BIRC6: variants seen among roughly 807,000 people sequenced by gnomAD.
BIRC6 encodes baculoviral IAP repeat containing 6.
Under a neutral mutation model 503.3 loss-of-function variants are expected in BIRC6, and 98 were observed. The observed-to-expected ratio is 0.19, with a 90% CI of 0.17 to 0.23. The LOEUF (loss-of-function observed/expected upper bound fraction) is 0.23, where lower values mean the gene tolerates loss of function less well. BIRC6 is among the 10% of genes least tolerant of loss of function. BIRC6 has a pLI of 1.00. For missense variants in BIRC6, 5,360 were observed against 5,806.0 expected (o/e 0.92, Z 2.50); for synonymous variants, 2,240 against 2,078.7 (o/e 1.08, Z -2.11).
At chr2:32,552,035 A>G (rs2058459590) in intron 65 of BIRC6, among the ~76,000 whole-genome samples, 1 of 152,152 alleles carries the variant, frequency 6.6e-6, no homozygotes, top group Non-Finnish European at 1.5e-5. Flanking sequence ...AAAATAATGC[A>G]CATTTTCTTT....
chr2:32,587,654 G>A lies in BIRC6; in HGVS notation c.13356-6261G>A, dbSNP rs553363346. ...CATGAGAATCGCTTGAACCTGGGAG[G>A]TGAAGGTTGCAGTGAGCCGAGATCA... On this transcript the variant is annotated intron_variant, in intron 66 of 73. Coordinates refer to ENST00000421745, the MANE Select transcript of BIRC6 (RefSeq NM_016252.4). 3.3e-5 allele frequency among the ~76,000 whole-genome samples: 5 copies of A among 152,274 alleles called. No individual in the cohort carries two copies. In the South Asian group the frequency reaches 1.0e-3, roughly 32 times the overall value.
At chr2:32,522,943 A>C (rs2055890646) in intron 57 of BIRC6, 1 of 152,202 alleles carries the variant, frequency 6.6e-6, no homozygotes, top group Non-Finnish European at 1.5e-5. Flanking sequence ...GTCTAGGGTG[A>C]CAACTAGGTT....
chr2:32,383,705 G>A (rs2038029375), intron 3 of BIRC6, among the ~76,000 whole-genome samples: 1 of 151,804 alleles, frequency 6.6e-6, no homozygotes, highest in South Asian at 2.1e-4. Flanking sequence ...CTAATTTTTT[G>A]TATTTTAGTA....
intron 73 of BIRC6, among the ~76,000 whole-genome samples, chr2:32,615,759 C>T (rs1403437510): frequency 2.0e-5 from 3 of 152,138 alleles, no homozygotes; most frequent in East Asian, 1.9e-4. Flanking sequence ...CTCAGCCTCC[C>T]AAGTACCTGG....
chr2:32,468,522 T>C lies in BIRC6; in HGVS notation c.5866T>C (p.Phe1956Leu). ...PLNSANNAQY[F>L]LRKPDKAVEE... Reference sequence around the variant, plus strand: ...AAACAGTGCTAACAATGCACAGTACTTTTTACGAAAACCAGATAAGGCAGT... The same window carrying C: ...AAACAGTGCTAACAATGCACAGTACCTTTTACGAAAACCAGATAAGGCAGT... Residue 1956 changes from phenylalanine (F) to leucine (L), a missense_variant, in exon 29 of 74, where the codon TTT (phenylalanine) becomes CTT (leucine). Coordinates refer to ENST00000421745, the MANE Select transcript of BIRC6 (RefSeq NM_016252.4). 1.2e-6 allele frequency: 2 copies of C among 1,614,012 alleles called. No individual in the cohort carries two copies. The highest frequency in any genetic ancestry group is 1.7e-6 in the Non-Finnish European group (2 of 1,179,882).
At position 32,465,139 on chromosome 2, in the gene BIRC6, CATT is replaced by C; in HGVS notation, c.5337_5339del (p.Ile1780del). 6.3e-7 allele frequency: 1 copy of C among 1,581,432 alleles called. No individual in the cohort carries two copies. The highest frequency in any genetic ancestry group is 8.6e-7 in the Non-Finnish European group (1 of 1,158,760). On this transcript the variant is annotated inframe_deletion, in exon 26 of 74. Transcript: ENST00000421745. The stretch of plus-strand genomic sequence containing the variant: ...TTCTTCAACCTCCGCCTCACCAGTC[CATT>C]ATTATAGAGCGAATGCATTCAGGTA...
intron 59 of BIRC6, among the ~76,000 whole-genome samples, chr2:32,526,037 G>T (rs2056238325): frequency 1.3e-5 from 2 of 152,104 alleles, no homozygotes; most frequent in Non-Finnish European, 2.9e-5. Context: ...CACATTTATT[G>T]AGCACCATCC....
intron 65 of BIRC6, chr2:32,565,552 T>TA (rs1298184595): frequency 6.6e-6 from 1 of 152,204 alleles, no homozygotes; most frequent in Non-Finnish European, 1.5e-5. Context: ...CTAATAGTAC[T>TA]AATAGTTACA....
chr2:32,607,694 T>C, intron 72 of BIRC6, 51 bp downstream of exon 72: 2 of 1,483,614 alleles, frequency 1.3e-6, no homozygotes, highest in Admixed American at 2.0e-5. Context: ...TTTTACAATA[T>C]AGGCTGGGCA....
intron 66 of BIRC6, among the ~76,000 whole-genome samples, chr2:32,587,344 G>A (rs114068218): frequency 0.031 from 4,718 of 152,132 alleles, 176 homozygotes; most frequent in African/African-American, 0.093. Context: ...CCGAGATTTC[G>A]CCACTGCCCT....
At chr2:32,479,060 G>A (rs2050087535) in intron 36 of BIRC6, among the ~76,000 whole-genome samples, 2 of 152,210 alleles carry the variant, frequency 1.3e-5, no homozygotes, top group South Asian at 2.1e-4. Context: ...TAAAGTGCAT[G>A]AATATTGGAG....
In BIRC6 at chr2:32,479,449, C is replaced by G; in HGVS notation, c.7253-13C>G. ...TATAAATTATTAAAACAGGACTATC[C>G]CCTTACATACAGGAGAATTACTGGC... On this transcript the variant is annotated splice_polypyrimidine_tract_variant and intron_variant, in intron 36 of 73. Coordinates refer to ENST00000421745, the MANE Select transcript of BIRC6 (RefSeq NM_016252.4). 1 of 1,586,226 alleles carries G rather than the reference C, an allele frequency of 6.3e-7. No homozygotes were observed. The highest frequency in any genetic ancestry group is 8.6e-7 in the Non-Finnish European group (1 of 1,164,968).
At chr2:32,563,417 T>C (rs909929637) in intron 65 of BIRC6, 2 of 152,154 alleles carry the variant, frequency 1.3e-5, no homozygotes, top group East Asian at 3.8e-4. Context: ...TTTCTAAGGC[T>C]TCATTATTGT....
intron 65 of BIRC6, among the ~76,000 whole-genome samples, chr2:32,573,678 A>G (rs1196057341): frequency 1.3e-5 from 2 of 152,230 alleles, no homozygotes; most frequent in Non-Finnish European, 2.9e-5. Context: ...TCTTAGATAC[A>G]AATAATTTTA....
At chr2:32,437,180 G>A (rs1055601556) in intron 15 of BIRC6, among the ~76,000 whole-genome samples, 5 of 152,074 alleles carry the variant, frequency 3.3e-5, no homozygotes, top group African/African-American at 7.2e-5. Flanking sequence ...GTAAGCCACC[G>A]CTCCAGGCCA....
At position 32,596,257 on chromosome 2, in the gene BIRC6, C is replaced by T. The variant is rs868774260; in HGVS notation, c.13612+1113C>T. ...CAGCACTTTAGGAGGCCGAGGTGGGCGGTCACGAGGTCGGGAGTTTGAGAC... is the reference window on the plus strand; with the variant it reads ...CAGCACTTTAGGAGGCCGAGGTGGGTGGTCACGAGGTCGGGAGTTTGAGAC... On this transcript the variant is annotated intron_variant, in intron 68 of 73. Coordinates refer to ENST00000421745, the MANE Select transcript of BIRC6 (RefSeq NM_016252.4). Among the ~76,000 whole-genome samples, 158 of 151,850 alleles carry T rather than the reference C, an allele frequency of 1.0e-3. 1 individual carries two copies. The highest frequency in any genetic ancestry group is 3.7e-3 in the African/African-American group (153 of 41,424).
intron 12 of BIRC6, among the ~76,000 whole-genome samples, chr2:32,431,755 A>G (rs2044149097): frequency 6.6e-6 from 1 of 152,222 alleles, no homozygotes; most frequent in Non-Finnish European, 1.5e-5. Context: ...TGTATTTAAT[A>G]AAAGCAGGCA....
At chr2:32,466,191 T>C (rs753448026) in intron 26 of BIRC6, among the ~76,000 whole-genome samples, 8 of 152,202 alleles carry the variant, frequency 5.3e-5, no homozygotes, top group South Asian at 2.1e-4. Flanking sequence ...AAGTTTAATT[T>C]AGTTGTTTTC....
intron 63 of BIRC6, among the ~76,000 whole-genome samples, chr2:32,546,505 A>G (rs2058060906): frequency 6.6e-6 from 1 of 151,962 alleles, no homozygotes; most frequent in African/African-American, 2.4e-5. Context: ...ACTTGAACCC[A>G]GGAGGCGGAA....
Sources: allele counts gnomAD v4.1 joint callset (sites outside exome capture counted in the v4.1 genomes callset), GRCh38; gene constraint gnomAD v4.1.1; transcripts MANE v1.5; gene names NCBI Gene and HGNC (gene_info 2026-07-23, HGNC 2026-07-21).